The following ERC1 variants were observed in gnomAD, a reference collection of about 807,000 sequenced individuals.
ERC1 encodes ELKS/RAB6-interacting/CAST family member 1.
A neutral mutation model predicts 132.0 loss-of-function variants in ERC1; 56 were observed. The ratio of observed to expected loss-of-function variants is 0.42; its 90% CI spans 0.34 to 0.53. The LOEUF (loss-of-function observed/expected upper bound fraction) is 0.53. Among genes scored for constraint, ERC1 ranks in the 20% least tolerant of loss-of-function variants. The pLI, the probability that ERC1 is intolerant of heterozygous loss-of-function variation, is 0.03. For missense variants in ERC1, 1,202 were observed against 1,349.9 expected, an observed-to-expected ratio of 0.89 and a Z score of 1.72; for synonymous variants, 478 against 476.1, an observed-to-expected ratio of 1.00 and a Z score of -0.05.
chr12:1,037,889 A>T (rs1032920616), intron 2 of ERC1, among the ~76,000 whole-genome samples: 2 of 151,824 alleles, frequency 1.3e-5, no homozygotes, highest in African/African-American at 4.8e-5. Context: ...CTAAAAATGC[A>T]AAAAATTAGC....
chr12:1,059,955 A>G (rs996690981), intron 2 of ERC1, among the ~76,000 whole-genome samples: 4 of 152,222 alleles, frequency 2.6e-5, no homozygotes, highest in Admixed American at 2.0e-4. Context: ...CATTAAAGCT[A>G]TCTGATCCAG....
At chr12:1,349,506 A>G (rs1043926260) in intron 15 of ERC1, among the ~76,000 whole-genome samples, 5 of 152,088 alleles carry the variant, frequency 3.3e-5, no homozygotes, top group Non-Finnish European at 7.4e-5. Context: ...CTACTAAAAA[A>G]TACAAAAATT....
At chr12:1,153,470 G>T (rs1177586031) in intron 8 of ERC1, among the ~76,000 whole-genome samples, 1 of 152,230 alleles carries the variant, frequency 6.6e-6, no homozygotes, top group East Asian at 1.9e-4. Context: ...TCAGGTTGCT[G>T]CCTGGGAGCT....
At chr12:1,035,645 G>A (rs933187123) in intron 2 of ERC1, among the ~76,000 whole-genome samples, 11 of 152,076 alleles carry the variant, frequency 7.2e-5, no homozygotes, top group Admixed American at 6.6e-4. Flanking sequence ...GGATGGGGCC[G>A]GGCTCAGTGG....
At chr12:1,267,279 A>T (rs1275541539) in intron 14 of ERC1, among the ~76,000 whole-genome samples, 1 of 152,168 alleles carries the variant, frequency 6.6e-6, no homozygotes, top group African/African-American at 2.4e-5. Flanking sequence ...CTATTTCTGG[A>T]AGCTTTCTCT....
intron 2 of ERC1, among the ~76,000 whole-genome samples, chr12:1,072,868 T>C (rs1432827293): frequency 6.6e-6 from 1 of 152,132 alleles, no homozygotes; most frequent in Non-Finnish European, 1.5e-5. Flanking sequence ...AATTTTTGTA[T>C]TTTTAGTAGA....
At chr12:1,379,270 A>G (rs941095872) in intron 16 of ERC1, among the ~76,000 whole-genome samples, 7 of 152,304 alleles carry the variant, frequency 4.6e-5, no homozygotes, top group African/African-American at 1.7e-4. Context: ...GAGTTCATTC[A>G]GTACATTCTC....
intron 17 of ERC1, among the ~76,000 whole-genome samples, chr12:1,439,063 T>C (rs2093031551): frequency 6.6e-6 from 1 of 152,126 alleles, no homozygotes; most frequent in Non-Finnish European, 1.5e-5. Context: ...TCATCTAGGC[T>C]TTATGAGGAG....
At chr12:1,183,231 C>A (rs747762759) in intron 10 of ERC1, 50 bp from the exon 11 acceptor site, 4 of 1,237,012 alleles carry the variant, frequency 3.2e-6, no homozygotes, top group South Asian at 2.0e-5. Flanking sequence ...AAATTTAAAC[C>A]TCTATTTTTT....
At chr12:1,024,518 T>C (rs1487899538) in intron 1 of ERC1, among the ~76,000 whole-genome samples, 1 of 152,180 alleles carries the variant, frequency 6.6e-6, no homozygotes, top group Non-Finnish European at 1.5e-5. Flanking sequence ...GAATAGATAC[T>C]GTCTTTAGAA....
At chr12:1,440,487 T>G (rs1458677197) in intron 17 of ERC1, among the ~76,000 whole-genome samples, 1 of 149,088 alleles carries the variant, frequency 6.7e-6, no homozygotes. Context: ...ATTACAGGTG[T>G]GAGCCACCGC....
chr12:1,480,541 C>G (rs993845305), intron 18 of ERC1, among the ~76,000 whole-genome samples: 1 of 152,148 alleles, frequency 6.6e-6, no homozygotes, highest in African/African-American at 2.4e-5. Context: ...CCTTACATTA[C>G]TGCGTTTGGA....
chr12:1,234,350 C>T (rs368675184), intron 12 of ERC1, among the ~76,000 whole-genome samples: 2 of 152,306 alleles, frequency 1.3e-5, no homozygotes, highest in South Asian at 4.1e-4. Flanking sequence ...CTGCTACTTT[C>T]CAGATTAGGT....
At chr12:1,444,884 G>T (rs1389403178) in intron 18 of ERC1, 134 bp downstream of exon 18, 1 of 701,116 alleles carries the variant, frequency 1.4e-6, no homozygotes, top group East Asian at 2.8e-5. Context: ...GGGGAATCCC[G>T]TTGCTGTGTA....
rs545760690 is a variant in ERC1, at chr12:1,205,276, G to T, written c.2351+15224G>T. ...CATATGAGCCATGACAATATAAAGT[G>T]TGAGGATTTCTGATAGGATTCAGAA... On this transcript the variant is annotated intron_variant, in intron 12 of 18. Coordinates refer to ENST00000360905, the MANE Select transcript of ERC1 (RefSeq NM_178040.4). Among the ~76,000 whole-genome samples the T allele has an allele frequency of 5.3e-5, 8 of 152,108 alleles. No individual in the cohort carries two copies. In the East Asian group the frequency reaches 7.7e-4, roughly 15 times the overall value.
At chr12:1,280,473 G>A (rs935762622) in intron 14 of ERC1, among the ~76,000 whole-genome samples, 3 of 152,122 alleles carry the variant, frequency 2.0e-5, no homozygotes, top group Non-Finnish European at 4.4e-5. Context: ...AAAGTGCTTC[G>A]GATTAGAAGT....
chr12:1,452,093 T>G (rs751442877), intron 18 of ERC1, among the ~76,000 whole-genome samples: 4 of 152,228 alleles, frequency 2.6e-5, no homozygotes, highest in African/African-American at 9.7e-5. Flanking sequence ...CTTCTGTTGT[T>G]TAAGCCACCC....
At chr12:1,319,046 A>G (rs1044639230) in intron 15 of ERC1, among the ~76,000 whole-genome samples, 1 of 152,194 alleles carries the variant, frequency 6.6e-6, no homozygotes, top group African/African-American at 2.4e-5. Context: ...CCATTCCTCA[A>G]TAAAGGGGGA....
intron 15 of ERC1, among the ~76,000 whole-genome samples, chr12:1,300,034 C>G (rs1179958694): frequency 6.6e-6 from 1 of 152,110 alleles, no homozygotes; most frequent in Non-Finnish European, 1.5e-5. Context: ...AAGAACAAAG[C>G]TGGAGGCATT....
Sources: allele counts gnomAD v4.1 joint callset (sites outside exome capture counted in the v4.1 genomes callset), GRCh38; gene constraint gnomAD v4.1.1; transcripts MANE v1.5; gene names NCBI Gene and HGNC (gene_info 2026-07-23, HGNC 2026-07-21).